The following BRD1 variants were observed in gnomAD, a reference collection of about 807,000 sequenced individuals.
The protein encoded by BRD1 is bromodomain containing 1.
Under a neutral mutation model 107.7 loss-of-function variants are expected in BRD1, and 24 were observed. The ratio of observed to expected loss-of-function variants is 0.22; its 90% CI spans 0.16 to 0.31. The LOEUF is 0.31. BRD1 is among the 10% of genes least tolerant of loss of function. BRD1 has a pLI of 1.00. For synonymous variants in BRD1, 744 were observed against 686.1 expected, an observed-to-expected ratio of 1.08 and a Z score of -1.32; for missense variants, 1,279 against 1,638.6, an observed-to-expected ratio of 0.78 and a Z score of 3.79.
chr22:49,816,609 A>G (rs2059957332), intron 2 of BRD1, among the ~76,000 whole-genome samples: 1 of 152,156 alleles, frequency 6.6e-6, no homozygotes, highest in Non-Finnish European at 1.5e-5. Context: ...ACTACAGACT[A>G]AGGCTGGGGC....
intron 2 of BRD1, among the ~76,000 whole-genome samples, chr22:49,808,696 G>T (rs761190249): frequency 6.6e-6 from 1 of 152,162 alleles, no homozygotes; most frequent in Non-Finnish European, 1.5e-5. Context: ...TTATGTGTAC[G>T]TGACCACAGT....
In BRD1 at chr22:49,787,432, A is replaced by G. The variant is rs776671318; in HGVS notation, c.2815T>C (p.Ser939Pro). Residue 939 changes from serine to proline, a missense_variant, in exon 8 of 13, where the codon TCC becomes CCC. Ser to Pro is a moderately conservative substitution (Grantham distance 74). Around this residue, in one of 7 missense-constraint regions of BRD1, gnomAD observed 263 missense variants for 251.6 expected, o/e 1.05. Coordinates refer to ENST00000404760, the MANE Select transcript of BRD1 (RefSeq NM_001304808.3). ...RKRSRSTCGD[S>P]EVEEESPGKR... is the part of the protein sequence containing the mutation. ...CCTGGGGACTCCTCCTCCACCTCGG[A>G]GTCTCCGCATGTGCTCCGCGACCTT... 3 of 1,613,596 alleles carry G rather than the reference A, an allele frequency of 1.9e-6. No homozygotes were observed. The African/African-American group carries it at 4.0e-5, about 22-fold the overall frequency.
rs761349712 is a variant in BRD1, at chr22:49,787,645, A to G, written c.2602T>C (p.Ser868Pro). ...TCGCTTGCTGGCTCCGCCACCGCGG[A>G]GGCCGCCGCCGCCGGCACATCGCCA... ...SSGDVPAAAA[S>P]AVAEPASDVN... The change falls in exon 8 of 13, where the codon TCC becomes CCC. Residue 868 changes from serine to proline, a missense_variant. Coordinates refer to ENST00000404760, the MANE Select transcript of BRD1 (RefSeq NM_001304808.3). The G allele has an allele frequency of 1.1e-4, 167 of 1,550,558 alleles. No individual in the cohort carries two copies. The highest frequency in any genetic ancestry group is 1.4e-4 in the Non-Finnish European group (160 of 1,146,992).
In BRD1 at chr22:49,775,603, T is replaced by C; in HGVS notation, c.3374A>G (p.Asn1125Ser). 3.7e-6 allele frequency: 6 copies of C among 1,608,324 alleles called. No homozygotes were observed. The highest frequency in any genetic ancestry group is 5.1e-6 in the Non-Finnish European group (6 of 1,177,314). The change falls in exon 12 of 13, where the codon AAT (asparagine) becomes AGT (serine). Residue 1125 changes from asparagine (N) to serine (S), a missense_variant. This residue lies in a region of BRD1 where 136 missense variants were observed against 196.8 expected (regional missense o/e 0.69). Transcript: ENST00000404760. The part of the protein sequence containing the change: ...EKLFLVLFFD[N>S]KRSWQWLPKS... ...CCTCTCAACTCACCAACTTCTCTTATTATCAAAAAAGAGAACGAGGAACAG... is the reference window on the plus strand; with the variant it reads ...CCTCTCAACTCACCAACTTCTCTTACTATCAAAAAAGAGAACGAGGAACAG...
At position 49,787,461 on chromosome 22, in the gene BRD1, C is replaced by T. The variant is rs757708315; in HGVS notation, c.2786G>A (p.Arg929Lys). The T allele has an allele frequency of 1.2e-6, 2 of 1,614,230 alleles. No homozygotes were observed. Among genetic ancestry groups the T allele is most frequent in the Non-Finnish European group, 8.5e-7 (1 of 1,180,044 alleles). Reference sequence around the variant, plus strand: ...TCCGCATGTGCTCCGCGACCTTTTCCTTGGCTGCAGAAGAGTCTCCAACCT... The same window carrying T: ...TCCGCATGTGCTCCGCGACCTTTTCTTTGGCTGCAGAAGAGTCTCCAACCT... ...LPRLETLLQPRKRSRSTCGDS... is the reference protein window; with the variant it reads ...LPRLETLLQPKKRSRSTCGDS... The change falls in exon 8 of 13, where the codon AGG becomes AAG. Residue 929 changes from arginine to lysine, a missense_variant. Arg to Lys is a conservative substitution (Grantham distance 26). Coordinates refer to ENST00000404760, the MANE Select transcript of BRD1 (RefSeq NM_001304808.3).
At chr22:49,784,567 AC>A (rs1249022484) in intron 8 of BRD1, among the ~76,000 whole-genome samples, 3 of 152,252 alleles carry the variant, frequency 2.0e-5, no homozygotes, top group African/African-American at 7.2e-5. Context: ...TCGCCTCAGG[AC>A]CAGCGACCCT....
chr22:49,809,548 A>ATAT (rs1555912153), intron 2 of BRD1, among the ~76,000 whole-genome samples: 15 of 147,794 alleles, frequency 1.0e-4, no homozygotes, highest in Non-Finnish European at 1.8e-4. Context: ...CTCCAAAAAA[A>ATAT]ATATATATAT....
intron 2 of BRD1, chr22:49,818,403 G>T: frequency 8.8e-7 from 1 of 1,136,886 alleles, no homozygotes; most frequent in South Asian, 1.8e-5. Flanking sequence ...TTGTTAAACA[G>T]ATTATGCGTG....
Position 49,777,158 on chromosome 22 carries a change from A to G in BRD1, c.2997T>C (p.Phe999=), listed in dbSNP as rs1359882457. Residue 999 remains phenylalanine, a synonymous_variant, in exon 10 of 13, where the codon TTT becomes TTC. Coordinates refer to ENST00000404760, the MANE Select transcript of BRD1 (RefSeq NM_001304808.3). ...SSNSPLCDSS[F]NAPKCGRGKP... ...TGCCCCGCCCACATTTGGGCGCATTAAAGCTTCGGGAGGAAGAGCAGAGGG... is the reference window on the plus strand; with the variant it reads ...TGCCCCGCCCACATTTGGGCGCATTGAAGCTTCGGGAGGAAGAGCAGAGGG... 4.3e-6 allele frequency: 7 copies of G among 1,612,922 alleles called. No individual in the cohort carries two copies. In the African/African-American group the frequency reaches 8.0e-5, roughly 18 times the overall value.
chr22:49,775,836 C>CCCCCCCTG, intron 11 of BRD1, 91 bp from the exon 12 acceptor site: 2 of 1,270,248 alleles, frequency 1.6e-6, no homozygotes, highest in Non-Finnish European at 2.0e-6. Flanking sequence ...CCTCCCCACC[C>CCCCCCCTG]CAGCTGTGTG....
rs1452102601 is a variant in BRD1, at chr22:49,774,033, C to T, written c.*200G>A. The T allele has an allele frequency of 4.9e-6, 3 of 613,570 alleles. No homozygotes were observed. Among genetic ancestry groups the T allele is most frequent in the Non-Finnish European group, 8.0e-6 (3 of 374,736 alleles). 38.0% of individuals were successfully genotyped at this position (613,570 alleles called of 1,614,324 possible). ...GACGTGCGACAGACGCACTGGGCTGCCCGGACGTGCCCACCCCACTCACAG... is the reference window on the plus strand; with the variant it reads ...GACGTGCGACAGACGCACTGGGCTGTCCGGACGTGCCCACCCCACTCACAG... On this transcript the variant is annotated 3_prime_UTR_variant, in exon 13 of 13. Coordinates refer to ENST00000404760, the MANE Select transcript of BRD1 (RefSeq NM_001304808.3).
chr22:49,808,180 G>A (rs1056913331), intron 2 of BRD1, among the ~76,000 whole-genome samples: 2 of 152,172 alleles, frequency 1.3e-5, no homozygotes, highest in African/African-American at 4.8e-5. Context: ...TCCCACTTCC[G>A]GGTATACACC....
At chr22:49,785,697 A>C (rs544825683) in intron 8 of BRD1, among the ~76,000 whole-genome samples, 40 of 152,374 alleles carry the variant, frequency 2.6e-4, no homozygotes, top group African/African-American at 9.6e-4. Flanking sequence ...TTAAAATGCC[A>C]ATTTAACATC....
chr22:49,823,874 C>T lies in BRD1; in HGVS notation c.444G>A (p.Glu148=). 6.2e-7 allele frequency: 1 copy of T among 1,614,246 alleles called. No homozygotes were observed. The highest frequency in any genetic ancestry group is 1.1e-5 in the South Asian group (1 of 91,090). The change falls in exon 2 of 13, where the codon GAG becomes GAA. Residue 148 remains glutamate, a synonymous_variant. Transcript: ENST00000404760. ...VYYKFIEKSA[E]ELDNEVEYDM... is the part of the protein sequence containing the mutation. Reference sequence around the variant, plus strand: ...CATACTCCACCTCGTTGTCCAGTTCCTCGGCCGACTTCTCGATGAACTTGT... The same window carrying T: ...CATACTCCACCTCGTTGTCCAGTTCTTCGGCCGACTTCTCGATGAACTTGT...
intron 3 of BRD1, among the ~76,000 whole-genome samples, chr22:49,800,736 T>G (rs986402242): frequency 6.6e-6 from 1 of 152,180 alleles, no homozygotes; most frequent in African/African-American, 2.4e-5. Flanking sequence ...CAAGGTTCCT[T>G]ACTCGGCTCT....
Position 49,823,863 on chromosome 22 carries a change from T to C in BRD1, c.455A>G (p.Asn152Ser), listed in dbSNP as rs773037925. 1.2e-6 allele frequency: 2 copies of C among 1,614,208 alleles called. No homozygotes were observed. The highest frequency in any genetic ancestry group is 4.5e-5 in the East Asian group (2 of 44,864). ...FIEKSAEELD[N>S]EVEYDMDEED... is the part of the protein sequence containing the mutation. Reference sequence around the variant, plus strand: ...CTCGTCCATGTCATACTCCACCTCGTTGTCCAGTTCCTCGGCCGACTTCTC... The same window carrying C: ...CTCGTCCATGTCATACTCCACCTCGCTGTCCAGTTCCTCGGCCGACTTCTC... The change falls in exon 2 of 13, where the codon AAC (asparagine) becomes AGC (serine). Residue 152 changes from asparagine to serine, a missense_variant. Transcript: ENST00000404760.
In BRD1 at chr22:49,798,008, T is replaced by C. The variant is rs749752139; in HGVS notation, c.1895A>G (p.Asp632Gly). The change falls in exon 6 of 13, where the codon GAT becomes GGT. Residue 632 changes from aspartate (D) to glycine (G), a missense_variant. Around this residue, in one of 7 missense-constraint regions of BRD1, gnomAD observed 406 missense variants for 519.4 expected, o/e 0.78. Transcript: ENST00000404760. ...KNLHEFEEDF[D>G]LIIDNCMKYN... is the part of the protein sequence containing the mutation. ...CTTCATGCAGTTATCTATAATGAGA[T>C]CAAAATCCTCCTCAAACTCATGGAG... The C allele has an allele frequency of 1.9e-6, 3 of 1,614,220 alleles. No individual in the cohort carries two copies. The highest frequency in any genetic ancestry group is 2.2e-5 in the East Asian group (1 of 44,888).
At chr22:49,781,633 A>C (rs2059210612) in intron 8 of BRD1, among the ~76,000 whole-genome samples, 1 of 152,242 alleles carries the variant, frequency 6.6e-6, no homozygotes, top group Non-Finnish European at 1.5e-5. Flanking sequence ...CTGGCACCCA[A>C]GCTGCCACCT....
chr22:49,788,015 G>T, intron 7 of BRD1, 128 bp from the exon 8 acceptor site: 2 of 977,222 alleles, frequency 2.0e-6, no homozygotes, highest in Non-Finnish European at 2.9e-6. Flanking sequence ...CGCATGTACT[G>T]TCTGCTCGGC....
Sources: allele counts gnomAD v4.1 joint callset (sites outside exome capture counted in the v4.1 genomes callset), GRCh38; gene constraint gnomAD v4.1.1; regional missense constraint gnomAD v4.1.1; transcripts MANE v1.5; gene names NCBI Gene and HGNC (gene_info 2026-07-23, HGNC 2026-07-21).